The following BOC variants were observed in gnomAD, a reference collection of about 807,000 sequenced individuals.
BOC encodes BOC cell adhesion associated, oncogene regulated, also known as brother of CDO.
In BOC, 76 loss-of-function variants were observed where a neutral mutation model predicts 112.0. The observed-to-expected ratio is 0.68, with a 90% confidence interval of 0.56 to 0.82. BOC has a LOEUF of 0.82. Ranked by LOEUF, BOC falls within the 40% of genes least tolerant of loss-of-function variation. The pLI is 0.00. For missense variants in BOC, 1,309 were observed against 1,511.7 expected, an observed-to-expected ratio of 0.87 and a Z score of 2.22; for synonymous variants, 580 against 599.8, an observed-to-expected ratio of 0.97 and a Z score of 0.48.
At chr3:113,226,821 C>T (rs1156295725) in intron 2 of BOC, among the ~76,000 whole-genome samples, 1 of 152,160 alleles carries the variant, frequency 6.6e-6, no homozygotes, top group Non-Finnish European at 1.5e-5. Context: ...ACTGCTTATC[C>T]GAATATCAAC....
chr3:113,264,646 C>CA, intron 4 of BOC, among the ~76,000 whole-genome samples: 1 of 152,180 alleles, frequency 6.6e-6, no homozygotes, highest in Non-Finnish European at 1.5e-5. Context: ...ATGAACTCCC[C>CA]ACCCCTCCCT....
chr3:113,229,160 C>CTCCT (rs1942184898), intron 2 of BOC, among the ~76,000 whole-genome samples: 1 of 152,200 alleles, frequency 6.6e-6, no homozygotes, highest in Non-Finnish European at 1.5e-5. Flanking sequence ...TGAAAATCGA[C>CTCCT]TCCTTCGGGA....
chr3:113,272,947 C>A, intron 7 of BOC, 122 bp from the exon 8 acceptor site: 1 of 1,293,920 alleles, frequency 7.7e-7, no homozygotes, highest in Non-Finnish European at 1.1e-6. Flanking sequence ...TCTACTCTGC[C>A]CATTAGGAAA....
chr3:113,271,348 G>A (rs1948100449), intron 6 of BOC: 10 of 408,806 alleles, frequency 2.4e-5, no homozygotes, highest in South Asian at 1.7e-4. Context: ...CCCTATATGA[G>A]GTCCCTGGGC....
rs546467065 is a variant in BOC, at chr3:113,271,758, C to T, written c.668-652C>T. On this transcript the variant is annotated intron_variant, in intron 6 of 19. Transcript: ENST00000682979. The stretch of plus-strand genomic sequence containing the variant: ...TTGCTCCTTGAAGGTTGCTGAGGAA[C>T]GGCACACATTAGAGAGTAAACAGGC... 9 of 164,812 alleles carry T rather than the reference C, an allele frequency of 5.5e-5. No individual in the cohort carries two copies. In the East Asian group the frequency reaches 6.8e-4, roughly 12 times the overall value. 10.2% of individuals were successfully genotyped at this position (164,812 alleles called of 1,614,324 possible).
At chr3:113,250,475 C>T in intron 3 of BOC, 80 bp from the exon 4 acceptor site, 1 of 1,501,264 alleles carries the variant, frequency 6.7e-7, no homozygotes, top group Non-Finnish European at 8.9e-7. Flanking sequence ...GGAAGACTTC[C>T]TGGGTGCAGT....
At chr3:113,228,749 G>A (rs1290676505) in intron 2 of BOC, among the ~76,000 whole-genome samples, 1 of 152,072 alleles carries the variant, frequency 6.6e-6, no homozygotes, top group Non-Finnish European at 1.5e-5. Context: ...GTAGTTAAAG[G>A]GTATGAAATA....
chr3:113,239,159 T>C (rs1010668116), intron 2 of BOC, among the ~76,000 whole-genome samples: 5 of 152,384 alleles, frequency 3.3e-5, no homozygotes, highest in Middle Eastern at 6.8e-3. Flanking sequence ...GTTGAAATTA[T>C]AAATTTTGGA....
chr3:113,284,852 T>A lies in BOC; in HGVS notation c.2960T>A (p.Ile987Asn), dbSNP rs774003670. 1.2e-6 allele frequency: 2 copies of A among 1,614,072 alleles called. No individual in the cohort carries two copies. The highest frequency in any genetic ancestry group is 4.5e-5 in the East Asian group (2 of 44,872). Residue 987 changes from isoleucine (I) to asparagine (N), a missense_variant, in exon 18 of 20, where the codon ATC becomes AAC. Transcript: ENST00000682979. ...GGATATGACCCCCAAAGTCACCAGA[T>A]CACGAGGTAACCAGGCCTCTCCCCT... ...GNGYDPQSHQ[I>N]TRGPKSSPDE...
intron 2 of BOC, among the ~76,000 whole-genome samples, chr3:113,224,920 A>T (rs1029924479): frequency 5.9e-5 from 9 of 152,074 alleles, no homozygotes; most frequent in African/African-American, 1.9e-4. Flanking sequence ...TACTAAAAAT[A>T]CAAGAAATTA....
At chr3:113,245,978 A>G (rs780875015) in intron 2 of BOC, among the ~76,000 whole-genome samples, 1 of 152,182 alleles carries the variant, frequency 6.6e-6, no homozygotes, top group African/African-American at 2.4e-5. Flanking sequence ...CTTGGGAGGA[A>G]GTGGAGCTGG....
In BOC at chr3:113,211,676, C is replaced by T. The variant is rs1309673352; in HGVS notation, c.-510C>T. The T allele has an allele frequency of 1.3e-5, 2 of 152,236 alleles. No homozygotes were observed. The highest frequency in any genetic ancestry group is 4.8e-5 in the African/African-American group (2 of 41,422). 9.4% of individuals were successfully genotyped at this position (152,236 alleles called of 1,614,324 possible). Reference sequence around the variant, plus strand: ...GCTTTCTGCCGCGGGGACCCTGAGCCCCGGCCCGCCGGTGTCAGCCGCCGC... The same window carrying T: ...GCTTTCTGCCGCGGGGACCCTGAGCTCCGGCCCGCCGGTGTCAGCCGCCGC... On this transcript the variant is annotated 5_prime_UTR_variant, in exon 1 of 20. Transcript: ENST00000682979.
chr3:113,267,953 AT>A (rs1947675639), intron 4 of BOC, among the ~76,000 whole-genome samples: 1 of 115,760 alleles, frequency 8.6e-6, no homozygotes, highest in Non-Finnish European at 1.7e-5. Context: ...CTGCTAGGAC[AT>A]TTGTACTTTG....
intron 1 of BOC, among the ~76,000 whole-genome samples, chr3:113,214,346 A>T (rs950266311): frequency 6.6e-6 from 1 of 152,152 alleles, no homozygotes; most frequent in African/African-American, 2.4e-5. Context: ...AAGAGATTTT[A>T]CCCATGAAAT....
At chr3:113,236,040 G>A (rs1262740567) in intron 2 of BOC, among the ~76,000 whole-genome samples, 1 of 151,596 alleles carries the variant, frequency 6.6e-6, no homozygotes, top group Non-Finnish European at 1.5e-5. Context: ...AGTATCATAT[G>A]ATCCAGCAAG....
chr3:113,255,481 AG>A (rs1946131683), intron 4 of BOC, among the ~76,000 whole-genome samples: 1 of 151,936 alleles, frequency 6.6e-6, no homozygotes, highest in Non-Finnish European at 1.5e-5. Flanking sequence ...TTAACTTTTA[AG>A]ATTTTTTGAT....
chr3:113,281,007 C>G (rs944891509), intron 14 of BOC, 24 bp from the exon 15 acceptor site: 2 of 1,613,052 alleles, frequency 1.2e-6, no homozygotes, highest in African/African-American at 2.7e-5. Flanking sequence ...TTGCCATGCA[C>G]CATTCTCTGA....
At chr3:113,286,250 C>G (rs932689366) in intron 19 of BOC, among the ~76,000 whole-genome samples, 3 of 152,076 alleles carry the variant, frequency 2.0e-5, no homozygotes, top group African/African-American at 7.2e-5. Flanking sequence ...ATGCTGGGTC[C>G]TAAAGCTCGA....
intron 4 of BOC, among the ~76,000 whole-genome samples, chr3:113,263,556 T>A (rs560291085): frequency 1.3e-5 from 2 of 152,212 alleles, no homozygotes; most frequent in Non-Finnish European, 1.5e-5. Flanking sequence ...TGGAAGTGAT[T>A]GATAGGTTTA....
Sources: allele counts gnomAD v4.1 joint callset (sites outside exome capture counted in the v4.1 genomes callset), GRCh38; gene constraint gnomAD v4.1.1; transcripts MANE v1.5; gene names NCBI Gene and HGNC (gene_info 2026-07-23, HGNC 2026-07-21).